ITGAV: variants seen among roughly 807,000 people sequenced by gnomAD.
The protein encoded by ITGAV is integrin alpha-V.
Under a neutral mutation model 143.8 loss-of-function variants are expected in ITGAV, and 76 were observed. The observed-to-expected ratio is 0.53, with a 90% CI of 0.44 to 0.64. The LOEUF (loss-of-function observed/expected upper bound fraction) is 0.64. Among genes scored for constraint, ITGAV ranks in the 30% least tolerant of loss-of-function variants. The pLI is 0.00. For synonymous variants in ITGAV, 453 were observed against 446.7 expected, an observed-to-expected ratio of 1.01 and a Z score of -0.18; for missense variants, 1,193 against 1,274.7, an observed-to-expected ratio of 0.94 and a Z score of 0.98.
rs1689285124 is a variant in ITGAV at position 186,678,961 on chromosome 2, C to T, written c.*1669C>T. 1 of 320,322 alleles carries T rather than the reference C, an allele frequency of 3.1e-6. No homozygotes were observed. The allele number at this position is 320,322 out of a possible 1,614,324, so 19.8% of individuals were successfully genotyped here. ...TAGGAGCACATTTAGTTGAGGTATA[C>T]AAGGTAGGACTCTAGACAAAACCTT... On this transcript the variant is annotated 3_prime_UTR_variant, in exon 30 of 30. Coordinates refer to ENST00000261023, the MANE Select transcript of ITGAV (RefSeq NM_002210.5).
Position 186,641,023 on chromosome 2 carries a change from TTACTC to T in ITGAV, c.956+57_956+61del, listed in dbSNP as rs1274245282. The T allele has an allele frequency of 5.6e-6, 7 of 1,257,162 alleles. No homozygotes were observed. In the East Asian group the frequency reaches 1.7e-4, roughly 31 times the overall value. 77.9% of individuals were successfully genotyped at this position (1,257,162 alleles called of 1,614,324 possible). Reference sequence around the variant, plus strand: ...TTATCTTCTCATGTTTACGAATACTTTACTCAAACTAAACATTTTTTTCTTCTGTT... The same window carrying T: ...TTATCTTCTCATGTTTACGAATACTTAAACTAAACATTTTTTTCTTCTGTT... On this transcript the variant is annotated intron_variant, in intron 11 of 29. Coordinates refer to ENST00000261023, the MANE Select transcript of ITGAV (RefSeq NM_002210.5).
intron 2 of ITGAV, among the ~76,000 whole-genome samples, chr2:186,612,923 G>C (rs1687254743): frequency 6.6e-6 from 1 of 152,094 alleles, no homozygotes; most frequent in Non-Finnish European, 1.5e-5. Flanking sequence ...GATATAATCT[G>C]TTATCCCCTG....
chr2:186,652,898 A>G (rs1200969414), intron 15 of ITGAV, among the ~76,000 whole-genome samples: 1 of 143,964 alleles, frequency 6.9e-6, no homozygotes, highest in Non-Finnish European at 1.5e-5. Context: ...TTTGTATGCT[A>G]CTTCAGTAAT....
intron 12 of ITGAV, 48 bp downstream of exon 12, chr2:186,641,636 C>T (rs781444639): frequency 6.6e-7 from 1 of 1,515,696 alleles, no homozygotes; most frequent in Admixed American, 1.7e-5. Flanking sequence ...TCTGTGTCCA[C>T]CTGGAAAAGT....
intron 2 of ITGAV, among the ~76,000 whole-genome samples, chr2:186,608,590 C>T (rs1407623119): frequency 6.6e-6 from 1 of 152,024 alleles, no homozygotes; most frequent in African/African-American, 2.4e-5. Flanking sequence ...GAGTACAGTT[C>T]TCTTTCTTAT....
intron 7 of ITGAV, among the ~76,000 whole-genome samples, chr2:186,636,594 G>A (rs999617028): frequency 1.3e-5 from 2 of 152,168 alleles, no homozygotes; most frequent in African/African-American, 2.4e-5. Context: ...AAAGTCACTC[G>A]CTTGTAACTT....
intron 2 of ITGAV, among the ~76,000 whole-genome samples, chr2:186,611,272 C>T (rs1270542689): frequency 1.3e-5 from 2 of 152,102 alleles, no homozygotes; most frequent in African/African-American, 4.8e-5. Context: ...GTCCTTTTTG[C>T]CTTACAAGGG....
At chr2:186,615,392 A>G (rs1293288005) in intron 2 of ITGAV, among the ~76,000 whole-genome samples, 2 of 152,212 alleles carry the variant, frequency 1.3e-5, no homozygotes, top group East Asian at 3.9e-4. Context: ...TATTTTCAAA[A>G]GTGGCTGTAC....
intron 23 of ITGAV, 32 bp from the exon 24 acceptor site, chr2:186,667,639 T>C: frequency 8.1e-7 from 1 of 1,228,020 alleles, no homozygotes; most frequent in East Asian, 2.3e-5. Context: ...CATTTTGATA[T>C]TCATGGTAGG....
At chr2:186,598,328 C>CACACAG (rs910849407) in intron 1 of ITGAV, among the ~76,000 whole-genome samples, 1 of 144,554 alleles carries the variant, frequency 6.9e-6, no homozygotes, top group African/African-American at 2.5e-5. Flanking sequence ...CACACACACA[C>CACACAG]AGAGTTTCAC....
rs1241329876 is a variant in ITGAV at position 186,640,901 on chromosome 2, A to G, written c.904-14A>G. The G allele has an allele frequency of 1.3e-6, 2 of 1,578,276 alleles. No individual in the cohort carries two copies. Among genetic ancestry groups the G allele is most frequent in the Non-Finnish European group, 1.7e-6 (2 of 1,155,634 alleles). ...GATGAAATATAAACATTTCATTTTC[A>G]TCTTTTTATCCAGATGGCTGCATAT... On this transcript the variant is annotated splice_polypyrimidine_tract_variant and intron_variant, in intron 10 of 29. Transcript: ENST00000261023.
At chr2:186,647,688 C>T (rs1238684165) in intron 13 of ITGAV, among the ~76,000 whole-genome samples, 1 of 152,178 alleles carries the variant, frequency 6.6e-6, no homozygotes, top group African/African-American at 2.4e-5. Context: ...TTGCCCACTG[C>T]ATAGGTCCAG....
At chr2:186,671,350 A>G (rs1428473881) in intron 26 of ITGAV, among the ~76,000 whole-genome samples, 5 of 151,784 alleles carry the variant, frequency 3.3e-5, no homozygotes, top group African/African-American at 1.2e-4. Flanking sequence ...CTCTTTCTCA[A>G]ATTTTCCACC....
intron 3 of ITGAV, among the ~76,000 whole-genome samples, chr2:186,623,297 AT>A (rs1301717966): frequency 6.6e-6 from 1 of 150,900 alleles, no homozygotes; most frequent in African/African-American, 2.4e-5. Flanking sequence ...CTCTGCTGGT[AT>A]TTATTTTTAT....
chr2:186,605,908 G>A (rs1005274143), intron 2 of ITGAV, among the ~76,000 whole-genome samples: 7 of 48,994 alleles, frequency 1.4e-4, no homozygotes, highest in Non-Finnish European at 2.5e-4. Context: ...TATATCTTTT[G>A]TCCCTGTTTA....
At chr2:186,593,988 C>T (rs557370625) in intron 1 of ITGAV, among the ~76,000 whole-genome samples, 15 of 152,196 alleles carry the variant, frequency 9.9e-5, no homozygotes, top group Admixed American at 9.8e-4. Flanking sequence ...TGGATTCTTG[C>T]CTTTCCCCCC....
intron 12 of ITGAV, 91 bp from the exon 13 acceptor site, chr2:186,646,595 C>T: frequency 1.2e-6 from 1 of 849,486 alleles, no homozygotes; most frequent in Non-Finnish European, 1.8e-6. Flanking sequence ...CCCTCTTCCC[C>T]CCTTCTCTCG....
intron 1 of ITGAV, among the ~76,000 whole-genome samples, chr2:186,592,293 A>G (rs924428158): frequency 3.6e-4 from 55 of 152,028 alleles, no homozygotes; most frequent in Non-Finnish European, 8.8e-5. Flanking sequence ...ACAAAAATTA[A>G]CCGGGCATGG....
chr2:186,613,109 CT>C (rs1687260856), intron 2 of ITGAV, among the ~76,000 whole-genome samples: 1 of 149,854 alleles, frequency 6.7e-6, no homozygotes, highest in Non-Finnish European at 1.5e-5. Context: ...TCACTTTGAC[CT>C]GACTCAACCC....
Sources: allele counts gnomAD v4.1 joint callset (sites outside exome capture counted in the v4.1 genomes callset), GRCh38; gene constraint gnomAD v4.1.1; transcripts MANE v1.5; gene names NCBI Gene and HGNC (gene_info 2026-07-23, HGNC 2026-07-21).